SPADH: variants seen among roughly 807,000 people sequenced by gnomAD.
SPADH encodes the protein CUB domain-containing protein.
the SPADH span, among the ~76,000 whole-genome samples, chr10:122,674,188 C>CT: frequency 7.9e-5 from 12 of 152,330 alleles, no homozygotes; most frequent in Non-Finnish European, 1.5e-4. Context: ...GTCACCCAAC[C>CT]CCTCTTAACC....
chr10:122,677,295 A>T, the SPADH span, among the ~76,000 whole-genome samples: 4,375 of 152,232 alleles, frequency 0.029, 98 homozygotes, highest in South Asian at 0.13. Flanking sequence ...AAGGGTTTTC[A>T]TGTTGTATTT....
At chr10:122,679,413 T>C in the SPADH span, among the ~76,000 whole-genome samples, 1 of 151,940 alleles carries the variant, frequency 6.6e-6, no homozygotes, top group Non-Finnish European at 1.5e-5. Context: ...AAGTGAGTAG[T>C]ATATGAACTA....
the SPADH span, among the ~76,000 whole-genome samples, chr10:122,675,899 C>T: frequency 1.9e-4 from 29 of 152,344 alleles, no homozygotes; most frequent in African/African-American, 6.7e-4. Flanking sequence ...TCCAAGCCCC[C>T]CCGAAGTCTC....
the SPADH span, among the ~76,000 whole-genome samples, chr10:122,676,082 A>G: frequency 2.6e-5 from 4 of 152,302 alleles, no homozygotes; most frequent in African/African-American, 9.6e-5. Context: ...TGCTTCCTCC[A>G]GGGTGCAGTT....
At chr10:122,679,135 T>A in the SPADH span, 1 of 418,744 alleles carries the variant, frequency 2.4e-6, no homozygotes, top group Non-Finnish European at 3.2e-6. Context: ...AGGCTATACC[T>A]GGGACTGCAG....
chr10:122,673,596 G>A, the SPADH span, among the ~76,000 whole-genome samples: 1 of 152,104 alleles, frequency 6.6e-6, no homozygotes, highest in Admixed American at 6.5e-5. Flanking sequence ...AAAGGAAGAG[G>A]GTATAGATTT....
the SPADH span, among the ~76,000 whole-genome samples, chr10:122,675,402 G>C: frequency 6.6e-6 from 1 of 152,154 alleles, no homozygotes; most frequent in South Asian, 2.1e-4. Flanking sequence ...TTGTGAATTT[G>C]TGAGTGCTGA....
chr10:122,678,470 A>T, the SPADH span, among the ~76,000 whole-genome samples: 1 of 152,156 alleles, frequency 6.6e-6, no homozygotes, highest in Non-Finnish European at 1.5e-5. Flanking sequence ...GTTGTGGTTT[A>T]AGGAAACATA....
the SPADH span, among the ~76,000 whole-genome samples, chr10:122,673,330 A>G: frequency 2.0e-5 from 3 of 152,290 alleles, no homozygotes; most frequent in East Asian, 5.8e-4. Context: ...GGTGCCCTGC[A>G]TTGAATGTGT....
the SPADH span, chr10:122,678,788 T>C: frequency 2.4e-6 from 1 of 422,350 alleles, no homozygotes. Flanking sequence ...TGGAGGGAGG[T>C]GGCAGCCTGG....
the SPADH span, among the ~76,000 whole-genome samples, chr10:122,679,205 C>A: frequency 6.6e-6 from 1 of 152,116 alleles, no homozygotes; most frequent in Admixed American, 6.5e-5. Flanking sequence ...GGGAATGTGA[C>A]CCTGTGACCC....
the SPADH span, among the ~76,000 whole-genome samples, chr10:122,678,669 G>A: frequency 6.6e-6 from 1 of 151,996 alleles, no homozygotes; most frequent in Non-Finnish European, 1.5e-5. Flanking sequence ...GGGGTGCTCG[G>A]GCCCCTGCTT....
the SPADH span, among the ~76,000 whole-genome samples, chr10:122,678,108 G>T: frequency 6.6e-6 from 1 of 152,140 alleles, no homozygotes; most frequent in Admixed American, 6.5e-5. Context: ...TGTCCTGGTG[G>T]GGTGTCCCCT....
At chr10:122,675,160 T>C in the SPADH span, among the ~76,000 whole-genome samples, 6 of 152,230 alleles carry the variant, frequency 3.9e-5, no homozygotes, top group South Asian at 2.1e-4. Context: ...GGTTTTGTTA[T>C]AGAATTTACA....
the SPADH span, chr10:122,675,714 C>T: frequency 9.1e-6 from 8 of 879,536 alleles, no homozygotes; most frequent in Non-Finnish European, 1.1e-5. Flanking sequence ...TTGCCTCACA[C>T]AGAGACACTG....
At chr10:122,675,831 C>T in the SPADH span, among the ~76,000 whole-genome samples, 1 of 152,110 alleles carries the variant, frequency 6.6e-6, no homozygotes. Flanking sequence ...TCGCTAATTC[C>T]CCCTCCCACC....
At chr10:122,674,519 C>T in the SPADH span, among the ~76,000 whole-genome samples, 1 of 152,178 alleles carries the variant, frequency 6.6e-6, no homozygotes, top group African/African-American at 2.4e-5. Flanking sequence ...TTATTTCTTC[C>T]AGAGCCAACT....
At chr10:122,673,831 C>T in the SPADH span, among the ~76,000 whole-genome samples, 2 of 152,198 alleles carry the variant, frequency 1.3e-5, no homozygotes, top group Admixed American at 6.5e-5. Flanking sequence ...TGCACACTCA[C>T]GTCAGGGGCT....
At chr10:122,673,077 T>A in the SPADH span, 1 of 271,344 alleles carries the variant, frequency 3.7e-6, no homozygotes, top group African/African-American at 2.3e-5. Context: ...TTTCACTTAG[T>A]GCTGGTGGAA....
Sources: allele counts gnomAD v4.1 joint callset (sites outside exome capture counted in the v4.1 genomes callset), GRCh38; gene constraint gnomAD v4.1.1; transcripts MANE v1.5; gene names NCBI Gene and HGNC (gene_info 2026-07-23, HGNC 2026-07-21).